Variants in COL4A4 observed in about 807,000 individuals in gnomAD.
COL4A4 encodes collagen alpha-4(IV) chain.
Under a neutral mutation model 192.9 loss-of-function variants are expected in COL4A4, and 105 were observed. The observed-to-expected ratio is 0.54, with a 90% CI of 0.46 to 0.64. COL4A4 has a LOEUF of 0.64. Ranked by LOEUF, COL4A4 falls within the 30% of genes least tolerant of loss-of-function variation. The pLI is 0.00. For missense variants in COL4A4, 1,967 were observed against 2,169.3 expected (o/e 0.91, Z 1.85); for synonymous variants, 762 against 769.9 (o/e 0.99, Z 0.17).
At chr2:227,030,646 G>T (rs903884696) in intron 40 of COL4A4, 48 bp from the exon 41 acceptor site, 1 of 1,480,994 alleles carries the variant, frequency 6.8e-7, no homozygotes. Context: ...AAAGACGAAT[G>T]TGTATACTGG....
At chr2:227,138,948 CTG>C (rs1330799706) in intron 4 of COL4A4, among the ~76,000 whole-genome samples, 1 of 152,204 alleles carries the variant, frequency 6.6e-6, no homozygotes, top group East Asian at 1.9e-4. Context: ...GACTTGAACA[CTG>C]TTACAGACTG....
intron 25 of COL4A4, among the ~76,000 whole-genome samples, chr2:227,067,413 C>T (rs2058415127): frequency 6.6e-6 from 1 of 152,236 alleles, no homozygotes; most frequent in Non-Finnish European, 1.5e-5. Context: ...ACAGAATATA[C>T]ATTTTTTTCT....
rs1407293574 is a variant in COL4A4 at position 227,046,723 on chromosome 2, G to T, written c.3289+752C>A. On this transcript the variant is annotated intron_variant, in intron 35 of 47. Transcript: ENST00000396625. ...GGCTGCTTTCCCCTCTAGGGGTCCT[G>T]TTCTGTCGGCTTGAACTCAAATGGT... 3.3e-5 allele frequency among the ~76,000 whole-genome samples: 5 copies of T among 152,068 alleles called. No homozygotes were observed. The East Asian group carries it at 9.6e-4, about 29-fold the overall frequency.
chr2:227,125,400 G>T (rs1221198000), intron 4 of COL4A4, among the ~76,000 whole-genome samples: 2 of 151,808 alleles, frequency 1.3e-5, no homozygotes, highest in Non-Finnish European at 2.9e-5. Context: ...GTAGAGACTG[G>T]GTTTCACTGT....
chr2:227,045,841 TATATATACACATATATATATACAC>T (rs1972478846), intron 35 of COL4A4, among the ~76,000 whole-genome samples: 1 of 32,758 alleles, frequency 3.1e-5, no homozygotes, highest in African/African-American at 1.7e-4. Context: ...TACACACATA[TATATATACACATATATATATACAC>T]ATATATATAC....
Position 227,046,013 on chromosome 2 carries a change from AGTATATAT to A in COL4A4, c.3289+1454_3289+1461del, listed in dbSNP as rs1436400702. On this transcript the variant is annotated intron_variant, in intron 35 of 47. Transcript: ENST00000396625. ...TTTAGATATTTAGATATATTTAGAT[AGTATATAT>A]GTATATATGTATACATATATACATA... 2.9e-5 allele frequency among the ~76,000 whole-genome samples: 3 copies of A among 102,926 alleles called. 1 individual carries two copies. The highest frequency in any genetic ancestry group is 5.9e-5 in the Non-Finnish European group (3 of 50,648). 67.5% of individuals were successfully genotyped at this position (102,926 alleles called of 152,430 possible).
intron 25 of COL4A4, among the ~76,000 whole-genome samples, chr2:227,063,838 T>C (rs1388909998): frequency 1.3e-5 from 2 of 151,852 alleles, no homozygotes; most frequent in Admixed American, 6.6e-5. Context: ...ATAATATATA[T>C]ACATATATGT....
At chr2:226,969,223 G>A in the COL4A4 span, 3 of 152,100 alleles carry the variant, frequency 2.0e-5, no homozygotes, top group African/African-American at 7.2e-5. Context: ...CAGAGAGCCT[G>A]ATTGTTGCAG....
rs557468982 is a variant in COL4A4 at position 227,046,663 on chromosome 2, T to C, written c.3289+812A>G. On this transcript the variant is annotated intron_variant, in intron 35 of 47. Coordinates refer to ENST00000396625, the MANE Select transcript of COL4A4 (RefSeq NM_000092.5). ...TGCAACATTTTCTGAAATGTAAACA[T>C]ATATGAGTTAAACCAATAGAACATT... Among the ~76,000 whole-genome samples, 26 of 152,192 alleles carry C rather than the reference T, an allele frequency of 1.7e-4. No individual in the cohort carries two copies. In the East Asian group the frequency reaches 2.5e-3, roughly 15 times the overall value.
At chr2:227,020,838 G>A (rs1261698360) in intron 44 of COL4A4, among the ~76,000 whole-genome samples, 1 of 149,872 alleles carries the variant, frequency 6.7e-6, no homozygotes, top group Non-Finnish European at 1.5e-5. Flanking sequence ...ATGCAGTGGG[G>A]ATATGTGGAA....
intron 47 of COL4A4, 137 bp downstream of exon 47, chr2:227,007,881 T>C (rs1284340752): frequency 9.2e-7 from 1 of 1,087,120 alleles, no homozygotes; most frequent in Non-Finnish European, 1.3e-6. Context: ...CAACAGGCTA[T>C]GGTTTGCAAC....
intron 20 of COL4A4, among the ~76,000 whole-genome samples, chr2:227,091,499 A>C (rs1403503117): frequency 2.6e-5 from 4 of 151,988 alleles, no homozygotes; most frequent in Non-Finnish European, 4.4e-5. Flanking sequence ...AAAGAGGGGA[A>C]AAAATGGAGG....
At chr2:227,063,504 G>C (rs1977664019) in intron 25 of COL4A4, among the ~76,000 whole-genome samples, 1 of 151,802 alleles carries the variant, frequency 6.6e-6, no homozygotes, top group Non-Finnish European at 1.5e-5. Context: ...AAGAACAAAG[G>C]ATATTACTTT....
chr2:227,103,119 A>T, intron 14 of COL4A4, 25 bp downstream of exon 14: 2 of 1,598,770 alleles, frequency 1.3e-6, no homozygotes, highest in South Asian at 1.1e-5. Context: ...CAAATGAAAA[A>T]AAAAAAGGTA....
Position 227,077,995 on chromosome 2 carries a change from G to T in COL4A4, c.1886C>A (p.Pro629His). 6.2e-7 allele frequency: 1 copy of T among 1,613,842 alleles called. No individual in the cohort carries two copies. The highest frequency in any genetic ancestry group is 8.5e-7 in the Non-Finnish European group (1 of 1,179,986). ...GPPGKAGPVG[P>H]PGLGFPGPPG... Reference sequence around the variant, plus strand: ...TGGACCAGGAAATCCCAGTCCTGGGGGCCCCACAGGTCCTGCTTTGCCTGG... The same window carrying T: ...TGGACCAGGAAATCCCAGTCCTGGGTGCCCCACAGGTCCTGCTTTGCCTGG... The change falls in exon 25 of 48, where the codon CCC (proline) becomes CAC (histidine). Residue 629 changes from proline to histidine, a missense_variant. Physicochemically the swap from Pro to His is moderately conservative, Grantham distance 77. Coordinates refer to ENST00000396625, the MANE Select transcript of COL4A4 (RefSeq NM_000092.5).
chr2:227,132,389 T>C (rs2062535643), intron 4 of COL4A4, among the ~76,000 whole-genome samples: 1 of 152,154 alleles, frequency 6.6e-6, no homozygotes, highest in South Asian at 2.1e-4. Context: ...CATGGCCTGG[T>C]TGGATGCCTG....
At position 227,012,217 on chromosome 2, in the gene COL4A4, C is replaced by G; in HGVS notation, c.4297G>C (p.Gly1433Arg). The stretch of plus-strand genomic sequence containing the variant: ...GGGTAGCCGTCTTCTCCTGTGTCAC[C>G]TTTACGTCCGGGAGGCCCAGGAGAC... ...PGSPGPPGRK[G>R]DTGEDGYPGG... The change falls in exon 45 of 48, where the codon GGT becomes CGT. Residue 1433 changes from glycine (G) to arginine (R), a missense_variant. Coordinates refer to ENST00000396625, the MANE Select transcript of COL4A4 (RefSeq NM_000092.5). 1 of 1,614,148 alleles carries G rather than the reference C, an allele frequency of 6.2e-7. No individual in the cohort carries two copies. Among genetic ancestry groups the G allele is most frequent in the Non-Finnish European group, 8.5e-7 (1 of 1,179,990 alleles).
At chr2:227,050,951 TC>T (rs777360514) in intron 33 of COL4A4, 25 bp downstream of exon 33, 2 of 1,613,956 alleles carry the variant, frequency 1.2e-6, no homozygotes, top group South Asian at 1.1e-5. Context: ...TATTGTCTCT[TC>T]CCCCACAAAG....
the COL4A4 span, among the ~76,000 whole-genome samples, chr2:226,968,448 C>T: frequency 6.6e-6 from 1 of 152,138 alleles, no homozygotes; most frequent in Non-Finnish European, 1.5e-5. Context: ...GCTCTTAAGG[C>T]CTTTTAACCG....
Sources: gnomAD v4.1 joint callset for allele counts (sites outside exome capture counted in the v4.1 genomes callset) on GRCh38, gnomAD v4.1.1 for gene constraint, MANE v1.5 for transcripts, NCBI Gene and HGNC (gene_info 2026-07-23, HGNC 2026-07-21) for gene names.